SH3GL2: variants seen among roughly 807,000 people sequenced by gnomAD.
SH3GL2 encodes endophilin-A1.
A neutral mutation model predicts 46.0 loss-of-function variants in SH3GL2; 24 were observed. The observed-to-expected ratio is 0.52, with a 90% CI of 0.38 to 0.73. The LOEUF (loss-of-function observed/expected upper bound fraction) is 0.73, where lower values mean the gene tolerates loss of function less well. Among genes scored for constraint, SH3GL2 ranks in the 30% least tolerant of loss-of-function variants. The pLI is 0.00. For synonymous variants in SH3GL2, 196 were observed against 147.1 expected, an observed-to-expected ratio of 1.33 and a Z score of -2.40; for missense variants, 413 against 424.2, an observed-to-expected ratio of 0.97 and a Z score of 0.23.
intron 1 of SH3GL2, among the ~76,000 whole-genome samples, chr9:17,657,773 G>A (rs923641913): frequency 2.6e-5 from 4 of 152,160 alleles, no homozygotes; most frequent in African/African-American, 9.7e-5. Flanking sequence ...GTAGTTGTGA[G>A]GATTAAATGA....
chr9:17,597,006 GT>G (rs1191089623), intron 1 of SH3GL2, among the ~76,000 whole-genome samples: 1 of 152,136 alleles, frequency 6.6e-6, no homozygotes, highest in Non-Finnish European at 1.5e-5. Context: ...AATAATTTCT[GT>G]GAAATCATTT....
intron 5 of SH3GL2, 148 bp from the exon 6 acceptor site, chr9:17,789,244 G>A: frequency 1.6e-6 from 1 of 611,930 alleles, no homozygotes; most frequent in Non-Finnish European, 2.9e-6. Flanking sequence ...CCCCATTGAT[G>A]CATGTTTCTT....
At chr9:17,635,021 C>G (rs1458051751) in intron 1 of SH3GL2, among the ~76,000 whole-genome samples, 2 of 152,104 alleles carry the variant, frequency 1.3e-5, no homozygotes, top group East Asian at 3.9e-4. Context: ...GCAAGATGTG[C>G]AGGTTTGTTA....
chr9:17,615,523 C>T (rs560411177), intron 1 of SH3GL2, among the ~76,000 whole-genome samples: 135 of 151,928 alleles, frequency 8.9e-4, no homozygotes, highest in African/African-American at 2.0e-3. Flanking sequence ...GGCGTGGCAG[C>T]GGGCGCCTGT....
intron 6 of SH3GL2, chr9:17,789,854 T>A (rs963199354): frequency 1.4e-6 from 1 of 724,808 alleles, no homozygotes; most frequent in Non-Finnish European, 1.7e-6. Context: ...GAATAACGCA[T>A]TAAAAGTAAA....
At chr9:17,732,979 G>T (rs1822223709) in intron 1 of SH3GL2, among the ~76,000 whole-genome samples, 1 of 152,056 alleles carries the variant, frequency 6.6e-6, no homozygotes. Context: ...TCTGACCATA[G>T]CATACCTGGT....
At chr9:17,771,855 G>A (rs1470221225) in intron 3 of SH3GL2, among the ~76,000 whole-genome samples, 2 of 152,056 alleles carry the variant, frequency 1.3e-5, no homozygotes, top group Non-Finnish European at 2.9e-5. Context: ...TTTGGGTTGA[G>A]AGTAGCACGA....
intron 1 of SH3GL2, among the ~76,000 whole-genome samples, chr9:17,688,981 G>T (rs761887064): frequency 1.3e-5 from 2 of 152,028 alleles, no homozygotes; most frequent in Admixed American, 6.6e-5. Flanking sequence ...TGGAGAGGGG[G>T]TGCAGTGGGA....
intron 1 of SH3GL2, among the ~76,000 whole-genome samples, chr9:17,714,288 G>A (rs1821698506): frequency 6.6e-6 from 1 of 151,460 alleles, no homozygotes; most frequent in East Asian, 1.9e-4. Flanking sequence ...AAATATCGTT[G>A]GGTCTTCATC....
At chr9:17,782,724 A>G (rs557970944) in intron 3 of SH3GL2, among the ~76,000 whole-genome samples, 5 of 152,232 alleles carry the variant, frequency 3.3e-5, no homozygotes, top group African/African-American at 1.2e-4. Flanking sequence ...AGCTTTACCT[A>G]AGGGTTTGAA....
chr9:17,682,933 G>A (rs1233082680), intron 1 of SH3GL2, among the ~76,000 whole-genome samples: 1 of 151,870 alleles, frequency 6.6e-6, no homozygotes, highest in Non-Finnish European at 1.5e-5. Context: ...TTCTGCTGGG[G>A]TGTAGAAAGC....
chr9:17,734,514 A>AT (rs1822270689), intron 1 of SH3GL2, among the ~76,000 whole-genome samples: 1 of 152,148 alleles, frequency 6.6e-6, no homozygotes, highest in Non-Finnish European at 1.5e-5. Flanking sequence ...GAGGTAAGAC[A>AT]TTTTGCCCAC....
At chr9:17,628,763 C>T (rs78537630) in intron 1 of SH3GL2, among the ~76,000 whole-genome samples, 2,090 of 151,776 alleles carry the variant, frequency 0.014, 32 homozygotes, top group East Asian at 0.065. Context: ...TAAGTATTAA[C>T]GGGTAAAATC....
At chr9:17,671,426 G>A (rs954328844) in intron 1 of SH3GL2, among the ~76,000 whole-genome samples, 4 of 152,046 alleles carry the variant, frequency 2.6e-5, no homozygotes, top group Non-Finnish European at 5.9e-5. Flanking sequence ...GCGATAACAC[G>A]ACAAGGTGAC....
chr9:17,591,927 C>G (rs1387721371), intron 1 of SH3GL2, among the ~76,000 whole-genome samples: 2 of 152,172 alleles, frequency 1.3e-5, no homozygotes, highest in Admixed American at 6.5e-5. Context: ...TTTTGTCAAT[C>G]TGTATTCATG....
chr9:17,779,189 A>C (rs971348912), intron 3 of SH3GL2, among the ~76,000 whole-genome samples: 4 of 152,276 alleles, frequency 2.6e-5, no homozygotes, highest in African/African-American at 9.6e-5. Flanking sequence ...AACCCACTGG[A>C]TAGTCCAAAT....
chr9:17,586,285 C>A (rs745318786), intron 1 of SH3GL2, among the ~76,000 whole-genome samples: 2 of 152,172 alleles, frequency 1.3e-5, no homozygotes, highest in African/African-American at 4.8e-5. Flanking sequence ...GTCTGTAATA[C>A]TCGTGAAGAA....
intron 1 of SH3GL2, among the ~76,000 whole-genome samples, chr9:17,588,379 T>C (rs1463454258): frequency 6.6e-6 from 1 of 152,210 alleles, no homozygotes; most frequent in Non-Finnish European, 1.5e-5. Flanking sequence ...CTTTTAACTT[T>C]GTAAGACAAA....
chr9:17,656,004 C>A (rs975030379), intron 1 of SH3GL2, among the ~76,000 whole-genome samples: 1 of 152,154 alleles, frequency 6.6e-6, no homozygotes, highest in Admixed American at 6.6e-5. Flanking sequence ...CTCTTAAATT[C>A]TCTATTTTTT....
Sources: allele counts gnomAD v4.1 joint callset (sites outside exome capture counted in the v4.1 genomes callset), GRCh38; gene constraint gnomAD v4.1.1; transcripts MANE v1.5; gene names NCBI Gene and HGNC (gene_info 2026-07-23, HGNC 2026-07-21).